The following ADGRB3 variants were observed in gnomAD, a reference collection of about 807,000 sequenced individuals.
ADGRB3 encodes adhesion G protein-coupled receptor B3.
ADGRB3 carries 37 observed loss-of-function variants against 193.4 expected under a neutral mutation model. The ratio of observed to expected loss-of-function variants is 0.19; its 90% CI spans 0.15 to 0.25. The LOEUF (loss-of-function observed/expected upper bound fraction) is 0.25, where lower values mean the gene tolerates loss of function less well. Among genes scored for constraint, ADGRB3 ranks in the 10% least tolerant of loss-of-function variants. The pLI, the probability that ADGRB3 is intolerant of heterozygous loss-of-function variation, is 1.00. For synonymous variants in ADGRB3, 690 were observed against 644.2 expected, an observed-to-expected ratio of 1.07 and a Z score of -1.08; for missense variants, 1,637 against 1,852.9, an observed-to-expected ratio of 0.88 and a Z score of 2.14.
chr6:68,703,284 C>T (rs931420514), intron 3 of ADGRB3, among the ~76,000 whole-genome samples: 1 of 152,020 alleles, frequency 6.6e-6, no homozygotes, highest in Non-Finnish European at 1.5e-5. Context: ...AATATTTTTG[C>T]TTCCCTTAAT....
chr6:69,324,992 A>C lies in ADGRB3; in HGVS notation c.2935A>C (p.Ile979Leu). 6.2e-7 allele frequency: 1 copy of C among 1,613,898 alleles called. No homozygotes were observed. The highest frequency in any genetic ancestry group is 8.5e-7 in the Non-Finnish European group (1 of 1,179,846). The change falls in exon 21 of 32, where the codon ATA (isoleucine) becomes CTA (leucine). Residue 979 changes from isoleucine (I) to leucine (L), a missense_variant. By Grantham distance (5) the Ile-to-Leu change is conservative. Transcript: ENST00000370598. ...AVTGKIRTRL[I>L]RKRFLCLGWG... ...AACTGGAAAAATTAGGACACGGCTT[A>C]TAAGAAAACGCTTTTTGTGCCTTGG... is the stretch of plus-strand genomic sequence containing the variant.
chr6:69,009,957 C>A (rs932977493), intron 11 of ADGRB3, among the ~76,000 whole-genome samples: 12 of 152,228 alleles, frequency 7.9e-5, no homozygotes, highest in Admixed American at 7.9e-4. Flanking sequence ...CATGAGAAAT[C>A]TGCCAAGTGG....
chr6:69,187,001 C>T (rs1765085607), intron 17 of ADGRB3, among the ~76,000 whole-genome samples: 1 of 149,984 alleles, frequency 6.7e-6, no homozygotes, highest in East Asian at 2.0e-4. Flanking sequence ...ATAGGTTCAG[C>T]TATTACACAA....
chr6:68,665,209 A>G (rs954703773), intron 3 of ADGRB3, among the ~76,000 whole-genome samples: 1 of 151,636 alleles, frequency 6.6e-6, no homozygotes, highest in African/African-American at 2.4e-5. Context: ...CTTCTCTAGT[A>G]ACAAACTATA....
chr6:69,038,234 C>T (rs1329942790), intron 13 of ADGRB3, among the ~76,000 whole-genome samples: 1 of 151,960 alleles, frequency 6.6e-6, no homozygotes, highest in Non-Finnish European at 1.5e-5. Context: ...TGTTTTTTGC[C>T]TGCATTGGTG....
intron 3 of ADGRB3, among the ~76,000 whole-genome samples, chr6:68,879,393 TA>T (rs914101536): frequency 1.1e-4 from 17 of 151,352 alleles, no homozygotes; most frequent in African/African-American, 2.7e-4. Context: ...ATTTTTTGTA[TA>T]TTTTTTTGTA....
intron 20 of ADGRB3, among the ~76,000 whole-genome samples, chr6:69,247,954 C>T (rs891349273): frequency 6.6e-6 from 1 of 152,072 alleles, no homozygotes; most frequent in South Asian, 2.1e-4. Context: ...GAAGAAAATA[C>T]TGAAGACTTA....
chr6:69,239,074 C>A, intron 19 of ADGRB3, 50 bp from the exon 20 acceptor site: 1 of 1,103,352 alleles, frequency 9.1e-7, no homozygotes, highest in East Asian at 2.4e-5. Context: ...TATAATTCTT[C>A]ATCTTTCTGT....
chr6:68,744,285 G>A (rs978624021), intron 3 of ADGRB3, among the ~76,000 whole-genome samples: 2 of 152,128 alleles, frequency 1.3e-5, no homozygotes, highest in Non-Finnish European at 2.9e-5. Context: ...TTACACTGTT[G>A]ATGGGAGTGT....
intron 20 of ADGRB3, among the ~76,000 whole-genome samples, chr6:69,321,234 G>A (rs973768253): frequency 3.3e-5 from 5 of 151,660 alleles, no homozygotes; most frequent in African/African-American, 9.7e-5. Flanking sequence ...GAGAGTGTTA[G>A]GTAAAAACAG....
intron 12 of ADGRB3, among the ~76,000 whole-genome samples, chr6:69,016,760 G>GA (rs1306387147): frequency 6.6e-6 from 1 of 151,814 alleles, no homozygotes; most frequent in Non-Finnish European, 1.5e-5. Flanking sequence ...ATTGCAAAGA[G>GA]AAAAAGTGCT....
chr6:68,723,489 C>A (rs1435411275), intron 3 of ADGRB3, among the ~76,000 whole-genome samples: 1 of 151,624 alleles, frequency 6.6e-6, no homozygotes, highest in African/African-American at 2.4e-5. Flanking sequence ...TCTATAATCC[C>A]TGAAGATGAG....
At chr6:69,031,118 CTCTT>C (rs1770668295) in intron 13 of ADGRB3, among the ~76,000 whole-genome samples, 2 of 124,488 alleles carry the variant, frequency 1.6e-5, no homozygotes, top group Non-Finnish European at 3.3e-5. Context: ...TCTCTTCTCT[CTCTT>C]CTCTCTGTCT....
intron 3 of ADGRB3, among the ~76,000 whole-genome samples, chr6:68,846,337 C>T (rs2127389132): frequency 6.6e-6 from 1 of 152,324 alleles, no homozygotes; most frequent in East Asian, 1.9e-4. Flanking sequence ...GAAATTCAAG[C>T]TGGCTGCAGA....
At chr6:69,151,592 G>A (rs1256082823) in intron 17 of ADGRB3, among the ~76,000 whole-genome samples, 1 of 152,178 alleles carries the variant, frequency 6.6e-6, no homozygotes, top group Non-Finnish European at 1.5e-5. Context: ...TCCTTATGAA[G>A]GACTTTTTTG....
At chr6:69,185,385 A>G (rs1765046148) in intron 17 of ADGRB3, among the ~76,000 whole-genome samples, 1 of 152,176 alleles carries the variant, frequency 6.6e-6, no homozygotes, top group South Asian at 2.1e-4. Context: ...CTAAGAGAGT[A>G]TATAAACCCT....
intron 6 of ADGRB3, among the ~76,000 whole-genome samples, chr6:68,945,165 C>T (rs1271086139): frequency 6.6e-6 from 1 of 152,064 alleles, no homozygotes; most frequent in Non-Finnish European, 1.5e-5. Flanking sequence ...TTGTTCCCTT[C>T]AGAGAAGGAC....
chr6:69,284,983 C>G (rs542396390), intron 20 of ADGRB3, among the ~76,000 whole-genome samples: 1 of 152,224 alleles, frequency 6.6e-6, no homozygotes. Flanking sequence ...TACAGCTATT[C>G]ATCAAGAATG....
intron 17 of ADGRB3, among the ~76,000 whole-genome samples, chr6:69,084,938 G>A (rs1032785499): frequency 1.3e-5 from 2 of 152,096 alleles, no homozygotes; most frequent in Admixed American, 1.3e-4. Flanking sequence ...GTATGCATGA[G>A]TGGCTTGTGA....
Sources: gnomAD v4.1 joint callset for allele counts (sites outside exome capture counted in the v4.1 genomes callset) on GRCh38, gnomAD v4.1.1 for gene constraint, MANE v1.5 for transcripts, NCBI Gene and HGNC (gene_info 2026-07-23, HGNC 2026-07-21) for gene names.